Variants in AFTPH observed in about 807,000 individuals in gnomAD.
The protein encoded by AFTPH is aftiphilin.
AFTPH carries 7 observed loss-of-function variants against 72.5 expected under a neutral mutation model. The observed-to-expected ratio is 0.10, with a 90% CI of 0.05 to 0.18. AFTPH has a LOEUF of 0.18. Among genes scored for constraint, AFTPH ranks in the 10% least tolerant of loss-of-function variants. The pLI is 1.00. For missense variants in AFTPH, 979 were observed against 1,060.5 expected (o/e 0.92, Z 1.07); for synonymous variants, 337 against 370.1 (o/e 0.91, Z 1.03).
exon 9 of AFTPH, chr2:64,592,973 AG>A (rs1673908885): frequency 6.6e-6 from 1 of 152,642 alleles, no homozygotes; most frequent in African/African-American, 2.4e-5. Context: ...ATTTCCTTTT[AG>A]CTTATACAAA....
chr2:64,568,667 T>C (rs1309473081), intron 3 of AFTPH, among the ~76,000 whole-genome samples: 1 of 152,238 alleles, frequency 6.6e-6, no homozygotes, highest in Admixed American at 6.5e-5. Flanking sequence ...TTGCCCAGGC[T>C]GGAGTGATCT....
exon 2 of AFTPH, chr2:64,553,136 C>G: frequency 3.1e-6 from 5 of 1,614,164 alleles, no homozygotes; most frequent in South Asian, 1.1e-5. Flanking sequence ...GTTTTCAAGA[C>G]TCTGATGATT....
intron 2 of AFTPH, among the ~76,000 whole-genome samples, chr2:64,555,970 G>C (rs1181749838): frequency 6.7e-6 from 1 of 150,206 alleles, no homozygotes; most frequent in East Asian, 2.0e-4. Flanking sequence ...ACAGTGTTTG[G>C]AACAGCACGA....
At chr2:64,585,467 T>C in exon 8 of AFTPH, 1 of 1,613,770 alleles carries the variant, frequency 6.2e-7, no homozygotes, top group Non-Finnish European at 8.5e-7. Context: ...AAGCTGGAAA[T>C]CTCCACCTCA....
At chr2:64,584,753 T>C (rs377720504) in intron 7 of AFTPH, among the ~76,000 whole-genome samples, 32 of 152,022 alleles carry the variant, frequency 2.1e-4, no homozygotes, top group Admixed American at 5.2e-4. Flanking sequence ...CCCACCACCA[T>C]GCCCGGCTAA....
intron 2 of AFTPH, 60 bp from the exon 3 acceptor site, chr2:64,567,502 A>G (rs187660542): frequency 1.1e-5 from 17 of 1,539,286 alleles, no homozygotes; most frequent in Middle Eastern, 1.7e-4. Context: ...TTTTAATGCT[A>G]TAACTATGAT....
chr2:64,580,186 A>T lies in AFTPH; in HGVS notation c.2455+640A>T, dbSNP rs369579484. On this transcript the variant is annotated intron_variant, in intron 7 of 8. Transcript: ENST00000238856. ...AATGTAATGTGGGCTCTTTAAAATA[A>T]GTAACACACCAATGTTAGTTTCTAG... The T allele has an allele frequency of 3.3e-5, 5 of 152,802 alleles. No homozygotes were observed. The East Asian group carries it at 5.8e-4, about 18-fold the overall frequency. The allele number at this position is 152,802 out of a possible 1,614,324, so 9.5% of individuals were successfully genotyped here. A position where few individuals can be genotyped will look rare whatever the true frequency, so the allele number is the denominator to read the frequency against.
intron 2 of AFTPH, among the ~76,000 whole-genome samples, chr2:64,566,707 A>C (rs1307264074): frequency 6.6e-6 from 1 of 152,170 alleles, no homozygotes; most frequent in Non-Finnish European, 1.5e-5. Context: ...GCACATGTAT[A>C]GTAAACCTAG....
At chr2:64,586,878 A>C (rs1006265830) in intron 8 of AFTPH, among the ~76,000 whole-genome samples, 3 of 152,234 alleles carry the variant, frequency 2.0e-5, no homozygotes, top group Non-Finnish European at 4.4e-5. Flanking sequence ...TGTTAACTAA[A>C]AGCTAACACA....
In AFTPH at chr2:64,572,820, T is replaced by A. The variant is rs534808550; in HGVS notation, c.2272-126T>A. On this transcript the variant is annotated intron_variant, in intron 5 of 8. Coordinates refer to ENST00000238856, the Ensembl canonical transcript of AFTPH. ...TTGTCTCTTAAAAAAAAAAAAAGAC[T>A]AGTTCCTTTTTGTCTTCAGTACTTT... is the stretch of plus-strand genomic sequence containing the variant. The A allele has an allele frequency of 2.0e-4, 242 of 1,236,824 alleles. 4 individuals are homozygous for A. In the South Asian group the frequency reaches 3.8e-3, roughly 19 times the overall value. 76.6% of individuals were successfully genotyped at this position (1,236,824 alleles called of 1,614,324 possible).
intron 2 of AFTPH, among the ~76,000 whole-genome samples, chr2:64,560,595 G>A (rs1671662480): frequency 1.3e-5 from 2 of 152,222 alleles, no homozygotes; most frequent in South Asian, 4.1e-4. Flanking sequence ...GGGAGGGGCC[G>A]GGCATGGTGG....
At chr2:64,561,808 C>G (rs373339647) in intron 2 of AFTPH, among the ~76,000 whole-genome samples, 6 of 152,182 alleles carry the variant, frequency 3.9e-5, no homozygotes, top group African/African-American at 1.4e-4. Context: ...CAGAATGCAG[C>G]ACTGACTCTT....
intron 1 of AFTPH, 70 bp downstream of exon 1, chr2:64,524,682 C>T (rs2103773638): frequency 2.5e-6 from 1 of 393,038 alleles, no homozygotes; most frequent in African/African-American, 2.1e-5. Context: ...CCCGGCCCAG[C>T]AGCCAGACCC....
At chr2:64,584,017 T>C (rs971742112) in intron 7 of AFTPH, among the ~76,000 whole-genome samples, 1 of 152,124 alleles carries the variant, frequency 6.6e-6, no homozygotes, top group Non-Finnish European at 1.5e-5. Flanking sequence ...TATATATAAC[T>C]TGATCTGCTG....
At chr2:64,524,941 C>G (rs1183460498) in intron 1 of AFTPH, among the ~76,000 whole-genome samples, 1 of 152,256 alleles carries the variant, frequency 6.6e-6, no homozygotes, top group Non-Finnish European at 1.5e-5. Flanking sequence ...AAGCTCCGCG[C>G]TGGCTGCGTT....
At chr2:64,557,567 C>T (rs1671456740) in intron 2 of AFTPH, among the ~76,000 whole-genome samples, 1 of 152,184 alleles carries the variant, frequency 6.6e-6, no homozygotes, top group Non-Finnish European at 1.5e-5. Context: ...GCAGCCTATG[C>T]CTCCTGAGTT....
At chr2:64,583,618 T>C (rs1256690646) in intron 7 of AFTPH, among the ~76,000 whole-genome samples, 1 of 152,230 alleles carries the variant, frequency 6.6e-6, no homozygotes, top group Non-Finnish European at 1.5e-5. Context: ...TGCTGGAATC[T>C]AGCCTTTAGA....
exon 3 of AFTPH, chr2:64,567,696 G>A (rs756042411): frequency 1.2e-6 from 2 of 1,611,578 alleles, no homozygotes; most frequent in Non-Finnish European, 1.7e-6. Context: ...AAACGAGAGA[G>A]GCCTTACCTG....
intron 2 of AFTPH, among the ~76,000 whole-genome samples, chr2:64,564,683 C>A (rs1671948600): frequency 6.6e-6 from 1 of 151,782 alleles, no homozygotes; most frequent in South Asian, 2.1e-4. Flanking sequence ...GGATCTATAG[C>A]CCTCTATTGA....
Sources: allele counts gnomAD v4.1 joint callset (sites outside exome capture counted in the v4.1 genomes callset), GRCh38; gene constraint gnomAD v4.1.1; transcripts MANE v1.5; gene names NCBI Gene and HGNC (gene_info 2026-07-23, HGNC 2026-07-21).